SLC4A4: variants seen among roughly 807,000 people sequenced by gnomAD.
SLC4A4 encodes the protein solute carrier family 4 member 4.
SLC4A4 carries 27 observed loss-of-function variants against 111.5 expected under a neutral mutation model. The ratio of observed to expected loss-of-function variants is 0.24; its 90% CI spans 0.18 to 0.33. The LOEUF (loss-of-function observed/expected upper bound fraction) is 0.33, where lower values mean the gene tolerates loss of function less well. Among genes scored for constraint, SLC4A4 ranks in the 10% least tolerant of loss-of-function variants. SLC4A4 has a pLI of 1.00. For missense variants in SLC4A4, 909 were observed against 1,315.5 expected (o/e 0.69, Z 4.78); for synonymous variants, 443 against 463.4 (o/e 0.96, Z 0.57).
At chr4:71,369,618 A>T (rs547905889) in intron 6 of SLC4A4, among the ~76,000 whole-genome samples, 1 of 152,222 alleles carries the variant, frequency 6.6e-6, no homozygotes, top group South Asian at 2.1e-4. Flanking sequence ...ACTATATGCC[A>T]GAAAGACAGA....
At chr4:71,269,957 A>C (rs1433234935) in intron 3 of SLC4A4, among the ~76,000 whole-genome samples, 1 of 152,202 alleles carries the variant, frequency 6.6e-6, no homozygotes, top group Non-Finnish European at 1.5e-5. Flanking sequence ...GTGGCTGTGA[A>C]GGTTACCTGA....
intron 2 of SLC4A4, among the ~76,000 whole-genome samples, chr4:71,173,055 T>C (rs142550885): frequency 6.6e-6 from 1 of 152,250 alleles, no homozygotes; most frequent in Non-Finnish European, 1.5e-5. Context: ...CAAAACTATA[T>C]GTTGTATTTC....
intron 1 of SLC4A4, among the ~76,000 whole-genome samples, chr4:71,074,084 T>TA (rs1483364239): frequency 6.6e-6 from 1 of 152,200 alleles, no homozygotes; most frequent in African/African-American, 2.4e-5. Flanking sequence ...GAGATTTGCT[T>TA]ACCTCTAGTT....
chr4:71,244,415 T>C (rs1481284829), intron 2 of SLC4A4, among the ~76,000 whole-genome samples: 1 of 152,206 alleles, frequency 6.6e-6, no homozygotes, highest in African/African-American at 2.4e-5. Flanking sequence ...TTTTGGATAA[T>C]ACCTGAAAAA....
intron 3 of SLC4A4, among the ~76,000 whole-genome samples, chr4:71,263,877 A>G (rs1030011794): frequency 5.3e-5 from 8 of 152,184 alleles, no homozygotes; most frequent in African/African-American, 1.9e-4. Flanking sequence ...GGAATGCAAA[A>G]TATTATAAGA....
chr4:71,236,442 C>T (rs1015027090), intron 1 of SLC4A4, 134 bp from the exon 2 acceptor site: 2 of 830,386 alleles, frequency 2.4e-6, no homozygotes, highest in Non-Finnish European at 1.9e-6. Context: ...GTAGCAGACA[C>T]CAGAAGAAGA....
intron 3 of SLC4A4, among the ~76,000 whole-genome samples, chr4:71,327,084 A>C (rs1179092328): frequency 1.3e-5 from 2 of 152,020 alleles, no homozygotes; most frequent in Non-Finnish European, 2.9e-5. Flanking sequence ...TAGACTTGTC[A>C]TGCTCAGCAG....
intron 24 of SLC4A4, among the ~76,000 whole-genome samples, 167 bp from the exon 25 acceptor site, chr4:71,566,837 T>C (rs1335177871): frequency 2.0e-5 from 3 of 151,852 alleles, no homozygotes; most frequent in African/African-American, 7.2e-5. Context: ...AGTGATTTTG[T>C]CTTCATCACA....
intron 1 of SLC4A4, among the ~76,000 whole-genome samples, chr4:71,092,276 A>G (rs1742410067): frequency 6.6e-6 from 1 of 151,986 alleles, no homozygotes; most frequent in African/African-American, 2.4e-5. Context: ...GAGAAGTAAA[A>G]TTCATATGGT....
rs1259060486 is a variant in SLC4A4, at chr4:71,462,567, C to G, written c.1498-3877C>G. 3.9e-5 allele frequency among the ~76,000 whole-genome samples: 6 copies of G among 152,092 alleles called. No homozygotes were observed. The South Asian group carries it at 1.0e-3, about 26-fold the overall frequency. On this transcript the variant is annotated intron_variant, in intron 12 of 25. Transcript: ENST00000264485. Reference sequence around the variant, plus strand: ...GGGACTACAGGTGTGCACCACCATGCCTGGCTAATTTTTGTGTTTTTAGTA... The same window carrying G: ...GGGACTACAGGTGTGCACCACCATGGCTGGCTAATTTTTGTGTTTTTAGTA...
intron 7 of SLC4A4, among the ~76,000 whole-genome samples, chr4:71,400,559 T>G (rs1281193798): frequency 6.6e-6 from 1 of 152,206 alleles, no homozygotes; most frequent in East Asian, 1.9e-4. Context: ...TCTATTACAG[T>G]GTATATAGTT....
intron 3 of SLC4A4, among the ~76,000 whole-genome samples, chr4:71,290,022 G>A (rs995142962): frequency 6.6e-6 from 1 of 152,178 alleles, no homozygotes; most frequent in African/African-American, 2.4e-5. Context: ...GAGCTGTTTT[G>A]TAACCTAGAT....
chr4:71,085,723 C>T (rs1262487053), intron 1 of SLC4A4, among the ~76,000 whole-genome samples: 9 of 151,990 alleles, frequency 5.9e-5, no homozygotes, highest in East Asian at 3.9e-4. Flanking sequence ...TGTAGATTTG[C>T]GGCATTATTT....
In SLC4A4 at chr4:71,555,205, G is replaced by T; in HGVS notation, c.2760G>T (p.Val920=). The change falls in exon 21 of 26, where the codon GTG becomes GTT. Residue 920 remains valine (V), a synonymous_variant. Transcript: ENST00000264485. The part of the protein sequence containing the change: ...LYMGVASLNG[V]QFMDRLKLLL... ...TGGGAGTAGCATCCCTTAATGGTGT[G>T]CAGGTAAGTTTTTGAATAGCAATGT... The T allele has an allele frequency of 6.2e-7, 1 of 1,605,422 alleles. No homozygotes were observed.
intron 4 of SLC4A4, among the ~76,000 whole-genome samples, chr4:71,341,008 C>G (rs1728864634): frequency 6.6e-6 from 1 of 152,098 alleles, no homozygotes; most frequent in Non-Finnish European, 1.5e-5. Flanking sequence ...TTATGTAATA[C>G]AAAGACTTTG....
At chr4:71,123,964 T>C (rs997992258) in intron 2 of SLC4A4, among the ~76,000 whole-genome samples, 6 of 152,192 alleles carry the variant, frequency 3.9e-5, no homozygotes, top group South Asian at 4.1e-4. Context: ...TCTTAACAGT[T>C]GAAGTTGCTG....
At chr4:71,420,497 T>C (rs968069257) in intron 7 of SLC4A4, among the ~76,000 whole-genome samples, 4 of 151,874 alleles carry the variant, frequency 2.6e-5, no homozygotes, top group Admixed American at 6.6e-5. Context: ...GCCACAAAGA[T>C]ACTCCTCGAG....
At chr4:71,133,718 C>T (rs1743770192) in intron 2 of SLC4A4, among the ~76,000 whole-genome samples, 1 of 152,192 alleles carries the variant, frequency 6.6e-6, no homozygotes, top group Non-Finnish European at 1.5e-5. Flanking sequence ...GGAAGTGTGA[C>T]TCATTGGGGG....
At chr4:71,279,484 A>G (rs938539386) in intron 3 of SLC4A4, among the ~76,000 whole-genome samples, 1 of 152,168 alleles carries the variant, frequency 6.6e-6, no homozygotes, top group Non-Finnish European at 1.5e-5. Context: ...GTATATATAC[A>G]TATATCCGTA....
Sources: gnomAD v4.1 joint callset for allele counts (sites outside exome capture counted in the v4.1 genomes callset) on GRCh38, gnomAD v4.1.1 for gene constraint, MANE v1.5 for transcripts, NCBI Gene and HGNC (gene_info 2026-07-23, HGNC 2026-07-21) for gene names.